ADAMTS2: variants seen among roughly 807,000 people sequenced by gnomAD.
ADAMTS2 encodes A disintegrin and metalloproteinase with thrombospondin motifs 2.
A neutral mutation model predicts 123.0 loss-of-function variants in ADAMTS2; 50 were observed. The observed-to-expected ratio is 0.41, with a 90% confidence interval of 0.32 to 0.51. The LOEUF (loss-of-function observed/expected upper bound fraction) is 0.51. Ranked by LOEUF, ADAMTS2 falls within the 20% of genes least tolerant of loss-of-function variation. ADAMTS2 has a pLI of 0.35. For missense variants in ADAMTS2, 1,494 were observed against 1,705.2 expected, an observed-to-expected ratio of 0.88 and a Z score of 2.18; for synonymous variants, 678 against 695.4, an observed-to-expected ratio of 0.98 and a Z score of 0.39.
rs533649883 is a variant in ADAMTS2, at chr5:179,200,344, G to A, written c.891+7169C>T. Among the ~76,000 whole-genome samples, 39 of 149,666 alleles carry A rather than the reference G, an allele frequency of 2.6e-4. No homozygotes were observed. In the South Asian group the frequency reaches 4.4e-3, roughly 17 times the overall value. ...GCTCACCGCAACCTCCGCCTCCCAG[G>A]TTCAAGCCATTCTCCTGCCTCAGCC... On this transcript the variant is annotated intron_variant, in intron 4 of 21. Coordinates refer to ENST00000251582, the MANE Select transcript of ADAMTS2 (RefSeq NM_014244.5).
chr5:179,164,960 A>T (rs1763669523), intron 5 of ADAMTS2, among the ~76,000 whole-genome samples: 1 of 152,216 alleles, frequency 6.6e-6, no homozygotes, highest in Non-Finnish European at 1.5e-5. Context: ...AGGCAGAGAC[A>T]TCGGGGCAGC....
intron 2 of ADAMTS2, among the ~76,000 whole-genome samples, chr5:179,276,561 T>C (rs1766700692): frequency 6.6e-6 from 1 of 152,082 alleles, no homozygotes; most frequent in Admixed American, 6.5e-5. Context: ...ACATGCAGCC[T>C]GGGAGACACT....
chr5:179,173,504 G>A (rs1763868163), intron 5 of ADAMTS2, among the ~76,000 whole-genome samples: 1 of 152,056 alleles, frequency 6.6e-6, no homozygotes, highest in African/African-American at 2.4e-5. Flanking sequence ...CAATTTTGTG[G>A]CAGCCTAATA....
intron 2 of ADAMTS2, 142 bp from the exon 3 acceptor site, chr5:179,273,206 G>A (rs761250933): frequency 3.0e-6 from 4 of 1,332,004 alleles, no homozygotes; most frequent in Non-Finnish European, 4.2e-6. Context: ...TGAACCCTGG[G>A]CTGGCCGGAG....
intron 10 of ADAMTS2, among the ~76,000 whole-genome samples, chr5:179,140,796 G>GTTTTTTTTTTTTTT (rs1763149728): frequency 1.4e-5 from 1 of 71,506 alleles, no homozygotes. Context: ...CCGACTGCAT[G>GTTTTTTTTTTTTTT]CTCTTTTTTT....
rs191599360 is a variant in ADAMTS2 at position 179,299,491 on chromosome 5, A to T, written c.535-26427T>A. Among the ~76,000 whole-genome samples, 87 of 146,264 alleles carry T rather than the reference A, an allele frequency of 5.9e-4. 1 individual carries two copies. The highest frequency in any genetic ancestry group is 3.6e-3 in the Admixed American group (52 of 14,470). ...TTGCAGTGAGCCAAGATCACACCAC[A>T]GCACTCCAGCCTGGGCAACAGATCA... On this transcript the variant is annotated intron_variant, in intron 2 of 21. Transcript: ENST00000251582.
intron 4 of ADAMTS2, 23 bp downstream of exon 4, chr5:179,207,490 G>GCCCCCCCAGCC: frequency 1.8e-6 from 1 of 546,852 alleles, no homozygotes; most frequent in South Asian, 2.0e-5. Flanking sequence ...GCCCCACCCT[G>GCCCCCCCAGCC]CCCCCTCAGC....
intron 13 of ADAMTS2, among the ~76,000 whole-genome samples, chr5:179,134,491 T>G (rs1195991522): frequency 6.6e-6 from 1 of 152,216 alleles, no homozygotes; most frequent in East Asian, 1.9e-4. Flanking sequence ...ATTCCTGAGC[T>G]GTCCCCCTTC....
At chr5:179,203,400 C>T (rs1215965571) in intron 4 of ADAMTS2, among the ~76,000 whole-genome samples, 1 of 152,264 alleles carries the variant, frequency 6.6e-6, no homozygotes, top group African/African-American at 2.4e-5. Flanking sequence ...CAGCCGGCTG[C>T]TGCCACGTCT....
Position 179,236,561 on chromosome 5 carries a change from C to T in ADAMTS2, c.689-28846G>A, listed in dbSNP as rs142305394. ...ATCCCAGCCCTTTGGAAGTCTGAGG[C>T]GGTAGGATCACTTGAGGTCAAGAAT... On this transcript the variant is annotated intron_variant, in intron 3 of 21. Transcript: ENST00000251582. Among the ~76,000 whole-genome samples the T allele has an allele frequency of 4.6e-5, 7 of 152,274 alleles. No homozygotes were observed. The East Asian group carries it at 5.8e-4, about 13-fold the overall frequency.
chr5:179,195,460 C>A (rs1293918367), intron 4 of ADAMTS2, among the ~76,000 whole-genome samples: 2 of 152,242 alleles, frequency 1.3e-5, no homozygotes, highest in Non-Finnish European at 2.9e-5. Flanking sequence ...TAATTTCAAT[C>A]TGTGGCCCAC....
chr5:179,309,824 C>G (rs558987465), intron 2 of ADAMTS2, among the ~76,000 whole-genome samples: 1 of 151,068 alleles, frequency 6.6e-6, no homozygotes. Flanking sequence ...GTCACCTCTC[C>G]GTGCCTCAGT....
intron 17 of ADAMTS2, 141 bp downstream of exon 17, chr5:179,127,817 GC>G: frequency 1.1e-6 from 1 of 946,440 alleles, no homozygotes; most frequent in Non-Finnish European, 1.5e-6. Flanking sequence ...CTCCATTGCC[GC>G]TAAGCCCTTG....
intron 10 of ADAMTS2, among the ~76,000 whole-genome samples, chr5:179,146,378 C>T (rs1763250460): frequency 6.6e-6 from 1 of 152,058 alleles, no homozygotes; most frequent in Non-Finnish European, 1.5e-5. Context: ...GAGGTGCTCT[C>T]TGGTTTCCGT....
chr5:179,193,196 G>A (rs1238021402), intron 4 of ADAMTS2, among the ~76,000 whole-genome samples: 1 of 152,194 alleles, frequency 6.6e-6, no homozygotes, highest in Non-Finnish European at 1.5e-5. Context: ...AGGCAAGCAG[G>A]TGGCCCCCAT....
rs2113374347 is a variant in ADAMTS2, at chr5:179,207,636, C to T, written c.768G>A (p.Arg256=). ...LEEHANSSRR[R]ARRHAADDDY... is the part of the protein sequence containing the mutation. ...CATCGTCCGCAGCATGCCTGCGTGC[C>T]CTCCGCCTCGAGCTGTTGGCGTGCT... Residue 256 remains arginine (R), a synonymous_variant, in exon 4 of 22, where the codon AGG becomes AGA. Transcript: ENST00000251582. 6.2e-7 allele frequency: 1 copy of T among 1,613,780 alleles called. No individual in the cohort carries two copies. Among genetic ancestry groups the T allele is most frequent in the Non-Finnish European group, 8.5e-7 (1 of 1,180,020 alleles).
At chr5:179,243,804 G>A (rs934175572) in intron 3 of ADAMTS2, among the ~76,000 whole-genome samples, 1 of 152,172 alleles carries the variant, frequency 6.6e-6, no homozygotes, top group African/African-American at 2.4e-5. Flanking sequence ...AAGGAGTGAT[G>A]ATGACAATAT....
intron 2 of ADAMTS2, among the ~76,000 whole-genome samples, chr5:179,331,413 G>A (rs1401906724): frequency 2.0e-5 from 1 of 49,972 alleles, no homozygotes; most frequent in African/African-American, 8.8e-5. Flanking sequence ...AGAGGAGGGG[G>A]AAGGGAGGGA....
In ADAMTS2 at chr5:179,175,364, T is replaced by C. The variant is rs1763909050; in HGVS notation, c.975+5708A>G. 6.6e-6 allele frequency among the ~76,000 whole-genome samples: 1 copy of C among 152,248 alleles called. No individual in the cohort carries two copies. The highest frequency in any genetic ancestry group is 2.1e-4 in the South Asian group (1 of 4,832). On this transcript the variant is annotated intron_variant, in intron 5 of 21. Transcript: ENST00000251582. The surrounding 1 kb of genome is among the most constrained non-coding windows in gnomAD (Gnocchi z 4.1). ...TGGTGCTTAGAATCACTTCATAACA[T>C]TTCCAACTATGAATCTGGGAAAGGC...
Sources: gnomAD v4.1 joint callset for allele counts (sites outside exome capture counted in the v4.1 genomes callset) on GRCh38, gnomAD v4.1.1 for gene constraint, Gnocchi (gnomAD v3.1) non-coding constraint, MANE v1.5 for transcripts, NCBI Gene and HGNC (gene_info 2026-07-23, HGNC 2026-07-21) for gene names.